Variants in PARD3B observed in about 807,000 individuals in gnomAD.
PARD3B encodes par-3 family cell polarity regulator beta, also known as partitioning defective 3 homolog B.
PARD3B carries 103 observed loss-of-function variants against 130.2 expected under a neutral mutation model. That is an observed-to-expected ratio of 0.79 (90% CI 0.67 to 0.93). The LOEUF (loss-of-function observed/expected upper bound fraction) is 0.93, where lower values mean the gene tolerates loss of function less well. Ranked by LOEUF, PARD3B falls within the 40% of genes least tolerant of loss-of-function variation. The pLI, the probability that PARD3B is intolerant of heterozygous loss-of-function variation, is 0.00. For synonymous variants in PARD3B, 583 were observed against 553.2 expected (o/e 1.05, Z -0.76); for missense variants, 1,609 against 1,499.2 (o/e 1.07, Z -1.21).
At chr2:205,593,189 C>G (rs141078494) in intron 22 of PARD3B, among the ~76,000 whole-genome samples, 1 of 152,126 alleles carries the variant, frequency 6.6e-6, no homozygotes, top group Non-Finnish European at 1.5e-5. Flanking sequence ...TTGCCTATCC[C>G]TGACAAATGA....
In PARD3B at chr2:205,091,920, G is replaced by C. The variant is rs1702135275; in HGVS notation, c.505-12506G>C. On this transcript the variant is annotated intron_variant, in intron 4 of 22. Coordinates refer to ENST00000406610, the MANE Select transcript of PARD3B (RefSeq NM_001302769.2). This position sits in a 1 kb window ranked among gnomAD's most constrained non-coding sequence, Gnocchi z 4.2. ...GACCCTCAATAAGGACTTGTGAACTGAATGATTCCTGTTTTGCTATGGGTT... is the reference window on the plus strand; with the variant it reads ...GACCCTCAATAAGGACTTGTGAACTCAATGATTCCTGTTTTGCTATGGGTT... Among the ~76,000 whole-genome samples, 1 of 152,098 alleles carries C rather than the reference G, an allele frequency of 6.6e-6. No homozygotes were observed. Among genetic ancestry groups the C allele is most frequent in the South Asian group, 2.1e-4 (1 of 4,826 alleles).
intron 21 of PARD3B, among the ~76,000 whole-genome samples, chr2:205,549,369 A>G (rs2052517478): frequency 6.6e-6 from 1 of 152,182 alleles, no homozygotes; most frequent in South Asian, 2.1e-4. Flanking sequence ...ATAATTGCCA[A>G]AATTTGGAGG....
chr2:205,615,859 C>T lies in PARD3B; in HGVS notation c.*46C>T. ...CCCGGTCCAGAAAGGAAGGTGTCTACTCTACCTTTGCCCTTTCTAAACCTG... is the reference window on the plus strand; with the variant it reads ...CCCGGTCCAGAAAGGAAGGTGTCTATTCTACCTTTGCCCTTTCTAAACCTG... On this transcript the variant is annotated 3_prime_UTR_variant, in exon 23 of 23. Coordinates refer to ENST00000406610, the MANE Select transcript of PARD3B (RefSeq NM_001302769.2). 2 of 1,495,996 alleles carry T rather than the reference C, an allele frequency of 1.3e-6. No individual in the cohort carries two copies. The highest frequency in any genetic ancestry group is 1.8e-6 in the Non-Finnish European group (2 of 1,096,402). The allele number at this position is 1,495,996 out of a possible 1,614,324, so 92.7% of individuals were successfully genotyped here.
intron 16 of PARD3B, among the ~76,000 whole-genome samples, chr2:205,257,143 G>C (rs1012304509): frequency 3.9e-5 from 6 of 151,996 alleles, no homozygotes; most frequent in African/African-American, 1.4e-4. Flanking sequence ...TGAAATGAAA[G>C]AGAAAACTTA....
intron 2 of PARD3B, among the ~76,000 whole-genome samples, chr2:204,695,309 T>C (rs537426473): frequency 6.6e-6 from 1 of 152,114 alleles, no homozygotes; most frequent in South Asian, 2.1e-4. Context: ...CGAATTACAA[T>C]CTCATTGTAA....
rs181153660 is a variant in PARD3B at position 205,061,807 on chromosome 2, A to G, written c.504+14117A>G. ...TTCTTTTAATTTCAAAAAAAAAAAA[A>G]AAATTCCTCCAAAGGCAAGTTCTTA... is the stretch of plus-strand genomic sequence containing the variant. On this transcript the variant is annotated intron_variant, in intron 4 of 22. Coordinates refer to ENST00000406610, the MANE Select transcript of PARD3B (RefSeq NM_001302769.2). Among the ~76,000 whole-genome samples the G allele has an allele frequency of 3.2e-4, 48 of 152,170 alleles. No homozygotes were observed. The East Asian group carries it at 8.1e-3, about 26-fold the overall frequency.
At chr2:205,362,717 G>A (rs1401021761) in intron 18 of PARD3B, among the ~76,000 whole-genome samples, 1 of 152,164 alleles carries the variant, frequency 6.6e-6, no homozygotes, top group African/African-American at 2.4e-5. Flanking sequence ...CATAAATTCT[G>A]CGAGATTGGT....
chr2:205,103,347 AAAAT>A (rs890291525), intron 4 of PARD3B, among the ~76,000 whole-genome samples: 50 of 132,760 alleles, frequency 3.8e-4, no homozygotes, highest in African/African-American at 1.3e-3. Flanking sequence ...TTATTTATGT[AAAAT>A]AAATATATTT....
At chr2:205,188,650 C>G (rs554178286) in intron 14 of PARD3B, among the ~76,000 whole-genome samples, 1 of 152,182 alleles carries the variant, frequency 6.6e-6, no homozygotes, top group East Asian at 1.9e-4. Context: ...TGACCTGCAC[C>G]ATCCTGCAAG....
chr2:205,188,767 C>G (rs1183397090), intron 14 of PARD3B, among the ~76,000 whole-genome samples: 1 of 143,582 alleles, frequency 7.0e-6, no homozygotes, highest in African/African-American at 2.6e-5. Flanking sequence ...GAAAGGCTCT[C>G]CTGCCTTCTG....
At chr2:204,914,838 C>T (rs2047382431) in intron 2 of PARD3B, among the ~76,000 whole-genome samples, 1 of 152,170 alleles carries the variant, frequency 6.6e-6, no homozygotes, top group African/African-American at 2.4e-5. Flanking sequence ...CAGGGGACCA[C>T]ATGTGCTCAG....
intron 20 of PARD3B, among the ~76,000 whole-genome samples, chr2:205,450,519 G>A (rs914137228): frequency 1.4e-5 from 2 of 142,794 alleles, no homozygotes; most frequent in African/African-American, 5.5e-5. Context: ...TGTTGCCTGG[G>A]CTGGAGTGCA....
intron 2 of PARD3B, among the ~76,000 whole-genome samples, chr2:204,932,758 AAC>A (rs1403062146): frequency 6.6e-6 from 1 of 152,178 alleles, no homozygotes; most frequent in East Asian, 1.9e-4. Context: ...AGATTAAATA[AAC>A]AGACAAAACC....
intron 2 of PARD3B, among the ~76,000 whole-genome samples, chr2:204,734,879 T>A (rs1431647756): frequency 6.6e-6 from 1 of 151,970 alleles, no homozygotes; most frequent in Non-Finnish European, 1.5e-5. Context: ...ATGGGTGCAT[T>A]TTACTGTACT....
chr2:205,211,196 G>A lies in PARD3B; in HGVS notation c.2140+17876G>A, dbSNP rs538079649. ...AATATACTTGACATACAGCAGTGCT[G>A]GCTGCTTTAGAGCATATTAGTACAA... On this transcript the variant is annotated intron_variant, in intron 15 of 22. Coordinates refer to ENST00000406610, the MANE Select transcript of PARD3B (RefSeq NM_001302769.2). 2.6e-5 allele frequency among the ~76,000 whole-genome samples: 4 copies of A among 152,146 alleles called. No homozygotes were observed. In the South Asian group the frequency reaches 8.3e-4, roughly 32 times the overall value.
chr2:205,519,830 C>T (rs773245733), intron 21 of PARD3B, among the ~76,000 whole-genome samples: 9 of 152,140 alleles, frequency 5.9e-5, no homozygotes, highest in Non-Finnish European at 1.0e-4. Flanking sequence ...TCTCTGGTTT[C>T]AGAGGTGGGT....
chr2:204,973,313 A>C (rs1222975035), intron 3 of PARD3B, among the ~76,000 whole-genome samples: 1 of 152,222 alleles, frequency 6.6e-6, no homozygotes, highest in Non-Finnish European at 1.5e-5. Context: ...TTTTATTTAT[A>C]CATATTCATC....
intron 18 of PARD3B, among the ~76,000 whole-genome samples, chr2:205,318,840 A>G (rs143528849): frequency 1.6e-4 from 24 of 152,276 alleles, no homozygotes; most frequent in Admixed American, 6.5e-4. Flanking sequence ...GTCAACAACA[A>G]GCTCAGGCCA....
intron 22 of PARD3B, among the ~76,000 whole-genome samples, chr2:205,599,835 G>A (rs112038148): frequency 3.5e-4 from 54 of 152,250 alleles, no homozygotes; most frequent in Admixed American, 3.1e-3. Flanking sequence ...TGGGCTGCCC[G>A]ACTTACAGTT....
Sources: gnomAD v4.1 joint callset for allele counts (sites outside exome capture counted in the v4.1 genomes callset) on GRCh38, gnomAD v4.1.1 for gene constraint, Gnocchi (gnomAD v3.1) non-coding constraint, MANE v1.5 for transcripts, NCBI Gene and HGNC (gene_info 2026-07-23, HGNC 2026-07-21) for gene names.